DNAAF4: variants seen among roughly 807,000 people sequenced by gnomAD.
The protein encoded by DNAAF4 is dynein axonemal assembly factor 4, also known as dynein assembly factor 4, axonemal.
DNAAF4 carries 43 observed loss-of-function variants against 51.8 expected under a neutral mutation model. The observed-to-expected ratio is 0.83, with a 90% confidence interval of 0.65 to 1.07. The LOEUF (loss-of-function observed/expected upper bound fraction) is 1.07. Among genes scored for constraint, DNAAF4 ranks in the 50% least tolerant of loss-of-function variants. DNAAF4 has a pLI of 0.00. For missense variants in DNAAF4, 581 were observed against 493.0 expected (o/e 1.18, Z -1.69); for synonymous variants, 194 against 165.6 (o/e 1.17, Z -1.32).
chr15:55,491,083 TTATC>T, intron 4 of DNAAF4, 36 bp downstream of exon 4: 3 of 1,612,210 alleles, frequency 1.9e-6, no homozygotes, highest in Non-Finnish European at 2.5e-6. Context: ...TAGTCTACTA[TTATC>T]TCTTTAGAGG....
intron 6 of DNAAF4, among the ~76,000 whole-genome samples, chr15:55,441,791 ATT>A (rs956236300): frequency 6.6e-6 from 1 of 151,948 alleles, no homozygotes; most frequent in African/African-American, 2.4e-5. Context: ...TATGTGCCAC[ATT>A]TTCTTTTTTC....
chr15:55,427,854 C>T (rs559595297), downstream of DNAAF4, among the ~76,000 whole-genome samples: 3 of 151,710 alleles, frequency 2.0e-5, no homozygotes, highest in Admixed American at 6.6e-5. Context: ...AGGCTGGTCT[C>T]GAACTCCCGA....
At chr15:55,432,049 G>A (rs1382683935) in intron 9 of DNAAF4, among the ~76,000 whole-genome samples, 5 of 151,642 alleles carry the variant, frequency 3.3e-5, no homozygotes, top group East Asian at 1.9e-4. Flanking sequence ...TCCGCCTCCC[G>A]GGTTCAAGGG....
At chr15:55,425,183 A>G (rs2057420070) in intron 7 of DNAAF4, among the ~76,000 whole-genome samples, 1 of 152,194 alleles carries the variant, frequency 6.6e-6, no homozygotes. Flanking sequence ...TGCTCTTAAG[A>G]GCCCAGTCAT....
At chr15:55,420,349 C>A (rs2057378450) in intron 7 of DNAAF4, among the ~76,000 whole-genome samples, 1 of 152,040 alleles carries the variant, frequency 6.6e-6, no homozygotes, top group Admixed American at 6.6e-5. Context: ...CTACTACACA[C>A]AGATTTATTT....
chr15:55,498,104 C>T, intron 2 of DNAAF4, 103 bp downstream of exon 2: 2 of 1,572,822 alleles, frequency 1.3e-6, no homozygotes, highest in Non-Finnish European at 1.7e-6. Context: ...AAATTTAGGA[C>T]GTTTATCGGC....
chr15:55,449,313 C>G (rs1252500329), intron 6 of DNAAF4, among the ~76,000 whole-genome samples: 1 of 151,406 alleles, frequency 6.6e-6, no homozygotes, highest in Non-Finnish European at 1.5e-5. Flanking sequence ...TAAGGATCTT[C>G]TTATTTCTAC....
At chr15:55,504,709 T>G (rs184169477) in intron 1 of DNAAF4, among the ~76,000 whole-genome samples, 6 of 152,156 alleles carry the variant, frequency 3.9e-5, no homozygotes, top group African/African-American at 9.6e-5. Context: ...GGGAAAACTG[T>G]CTAGCCATAT....
chr15:55,504,597 G>A (rs1471960341), intron 1 of DNAAF4, among the ~76,000 whole-genome samples: 1 of 152,188 alleles, frequency 6.6e-6, no homozygotes, highest in East Asian at 1.9e-4. Flanking sequence ...GAACAGAACA[G>A]AGGCCTCAGA....
chr15:55,446,181 A>G (rs188670399), intron 6 of DNAAF4, among the ~76,000 whole-genome samples: 5,732 of 138,306 alleles, frequency 0.041, 403 homozygotes, highest in African/African-American at 0.16. Context: ...CACCTCCCAG[A>G]CGGGGTGGCC....
chr15:55,426,103 T>C (rs1020779286), downstream of DNAAF4, among the ~76,000 whole-genome samples: 1 of 152,164 alleles, frequency 6.6e-6, no homozygotes, highest in African/African-American at 2.4e-5. Flanking sequence ...ATGAAATCAA[T>C]AGGAATTGAA....
At chr15:55,450,529 T>A (rs1273557992) in intron 5 of DNAAF4, among the ~76,000 whole-genome samples, 162 bp from the exon 6 acceptor site, 1 of 152,220 alleles carries the variant, frequency 6.6e-6, no homozygotes, top group African/African-American at 2.4e-5. Flanking sequence ...AATGATAATA[T>A]AGCAGCTAAT....
chr15:55,455,249 GA>G (rs2058000881), intron 5 of DNAAF4, among the ~76,000 whole-genome samples: 1 of 148,852 alleles, frequency 6.7e-6, no homozygotes, highest in African/African-American at 2.5e-5. Context: ...AGTAGAAAAA[GA>G]AAAACGCTCT....
At chr15:55,437,879 A>G (rs1253001209) in intron 7 of DNAAF4, among the ~76,000 whole-genome samples, 1 of 152,226 alleles carries the variant, frequency 6.6e-6, no homozygotes, top group Non-Finnish European at 1.5e-5. Flanking sequence ...CTTCTGAATT[A>G]CAGAACTATA....
chr15:55,495,732 T>C (rs544865496), intron 3 of DNAAF4, among the ~76,000 whole-genome samples: 1 of 151,838 alleles, frequency 6.6e-6, no homozygotes, highest in Admixed American at 6.6e-5. Flanking sequence ...TGAGATTCTA[T>C]CTCTTAAAAA....
At chr15:55,434,781 G>T in intron 8 of DNAAF4, 124 bp downstream of exon 8, 3 of 907,222 alleles carry the variant, frequency 3.3e-6, no homozygotes, top group South Asian at 3.0e-5. Flanking sequence ...GATTCAATAA[G>T]AAAGACAATC....
At chr15:55,430,860 T>C (rs576383506) in intron 9 of DNAAF4, 81 bp from the exon 10 acceptor site, 2 of 1,154,662 alleles carry the variant, frequency 1.7e-6, no homozygotes, top group Non-Finnish European at 2.5e-6. Context: ...TTGTTTAAAA[T>C]AAAAATAATC....
At chr15:55,440,545 A>AT (rs1469440110) in intron 6 of DNAAF4, among the ~76,000 whole-genome samples, 4 of 148,834 alleles carry the variant, frequency 2.7e-5, no homozygotes, top group African/African-American at 1.0e-4. Flanking sequence ...CACCCAGCTA[A>AT]TTTTTTGTAT....
At chr15:55,443,107 G>T in intron 6 of DNAAF4, 9 of 1,610,486 alleles carry the variant, frequency 5.6e-6, no homozygotes, top group Non-Finnish European at 7.6e-6. Context: ...CCTTTCAGTA[G>T]GTGTACGTTT....
Sources: gnomAD v4.1 joint callset for allele counts (sites outside exome capture counted in the v4.1 genomes callset) on GRCh38, gnomAD v4.1.1 for gene constraint, MANE v1.5 for transcripts, NCBI Gene and HGNC (gene_info 2026-07-23, HGNC 2026-07-21) for gene names.